LYSMD3: variants seen among roughly 807,000 people sequenced by gnomAD.
LYSMD3 encodes lysM and putative peptidoglycan-binding domain-containing protein 3.
LYSMD3 carries 13 observed loss-of-function variants against 26.1 expected under a neutral mutation model. That is an observed-to-expected ratio of 0.50 (90% CI 0.32 to 0.79). The LOEUF is 0.79. Ranked by LOEUF, LYSMD3 falls within the 30% of genes least tolerant of loss-of-function variation. The pLI, the probability that LYSMD3 is intolerant of heterozygous loss-of-function variation, is 0.03. For missense variants in LYSMD3, 331 were observed against 362.5 expected (o/e 0.91, Z 0.71); for synonymous variants, 109 against 119.4 (o/e 0.91, Z 0.57).
rs1263761847 is a variant in LYSMD3 at position 90,517,488 on chromosome 5, T to C, written c.*1331A>G. On this transcript the variant is annotated 3_prime_UTR_variant, in exon 3 of 3. Coordinates refer to ENST00000315948, the MANE Select transcript of LYSMD3 (RefSeq NM_198273.2). ...ATTCTGGTTACATTTTTAAAACACA[T>C]ACTTTTAAAGATTAAATGATGGAAT... The C allele has an allele frequency of 6.6e-6, 1 of 152,020 alleles. No individual in the cohort carries two copies. Among genetic ancestry groups the C allele is most frequent in the Admixed American group, 6.6e-5 (1 of 15,260 alleles). The allele number at this position is 152,020 out of a possible 1,614,324, so 9.4% of individuals were successfully genotyped here.
At position 90,525,195 on chromosome 5, in the gene LYSMD3, A is replaced by G; in HGVS notation, c.95T>C (p.Ile32Thr). The G allele has an allele frequency of 6.2e-7, 1 of 1,614,046 alleles. No individual in the cohort carries two copies. Among genetic ancestry groups the G allele is most frequent in the Non-Finnish European group, 8.5e-7 (1 of 1,180,020 alleles). Residue 32 changes from isoleucine (I) to threonine (T), a missense_variant, in exon 2 of 3, where the codon ATT becomes ACT. Ile to Thr is a moderately conservative substitution (Grantham distance 89). Around this residue, in one of 3 missense-constraint regions of LYSMD3, gnomAD observed 262 missense variants for 267.3 expected, o/e 0.98. Coordinates refer to ENST00000315948, the MANE Select transcript of LYSMD3 (RefSeq NM_198273.2). ...HAFGNCSDSD[I>T]LEEDAEVYEL... ...ATACACTTCAGCATCCTCCTCCAAAATATCACTGTCTGAACAATTTCCAAA... is the reference window on the plus strand; with the variant it reads ...ATACACTTCAGCATCCTCCTCCAAAGTATCACTGTCTGAACAATTTCCAAA...
intron 1 of LYSMD3, among the ~76,000 whole-genome samples, chr5:90,528,584 G>C (rs972579923): frequency 6.6e-6 from 1 of 152,232 alleles, no homozygotes; most frequent in African/African-American, 2.4e-5. Context: ...GAATGATCAA[G>C]AACTGGCTGT....
rs1752999518 is a variant in LYSMD3, at chr5:90,518,343, A to G, written c.*476T>C. ...CACATGTGCTAAATGTATTTTTTAA[A>G]AGTTTTGAAGGGGTGTGTTACGTAT... On this transcript the variant is annotated 3_prime_UTR_variant, in exon 3 of 3. Transcript: ENST00000315948. The G allele has an allele frequency of 6.5e-6, 1 of 152,888 alleles. No homozygotes were observed. Among genetic ancestry groups the G allele is most frequent in the Non-Finnish European group, 1.5e-5 (1 of 68,586 alleles). The allele number at this position is 152,888 out of a possible 1,614,324, so 9.5% of individuals were successfully genotyped here.
rs1282530871 is a variant in LYSMD3, at chr5:90,519,334, GA to G, written c.405del (p.Gln136AsnfsTer26). 2 of 1,614,070 alleles carry G rather than the reference GA, an allele frequency of 1.2e-6. No homozygotes were observed. The highest frequency in any genetic ancestry group is 1.1e-5 in the South Asian group (1 of 91,070). On this transcript the variant is annotated frameshift_variant, in exon 3 of 3. Transcript: ENST00000315948. LOFTEE classifies it high-confidence loss of function. Reference sequence around the variant, plus strand: ...ATTTCCTGTTGTTCGGAAGAGTATTGAACAGATGAATGACGTGAAGTCTGTC... The same window carrying G: ...ATTTCCTGTTGTTCGGAAGAGTATTGACAGATGAATGACGTGAAGTCTGTC... ...KGRQTSRHSSVQYSSEQQEIL... is the reference protein window; with the variant it reads ...KGRQTSRHSSXQYSSEQQEIL...
intron 1 of LYSMD3, among the ~76,000 whole-genome samples, chr5:90,527,944 A>T (rs901277239): frequency 1.3e-5 from 2 of 152,220 alleles, no homozygotes; most frequent in African/African-American, 2.4e-5. Context: ...TAATAGCTAT[A>T]TGTTAAGTAG....
intron 1 of LYSMD3, among the ~76,000 whole-genome samples, chr5:90,528,484 G>A (rs1216739083): frequency 6.6e-6 from 1 of 152,026 alleles, no homozygotes; most frequent in Non-Finnish European, 1.5e-5. Flanking sequence ...TAATTTAAAG[G>A]TCAGAACTTC....
At chr5:90,522,957 G>C (rs1371638533) in intron 2 of LYSMD3, among the ~76,000 whole-genome samples, 2 of 152,038 alleles carry the variant, frequency 1.3e-5, no homozygotes, top group African/African-American at 2.4e-5. Context: ...AAATTTTCTA[G>C]GTTCATTAAA....
At position 90,517,076 on chromosome 5, in the gene LYSMD3, CTCT is replaced by C. The variant is rs1181945708; in HGVS notation, c.*1740_*1742del. 2.6e-5 allele frequency: 4 copies of C among 152,440 alleles called. No homozygotes were observed. Among genetic ancestry groups the C allele is most frequent in the East Asian group, 3.8e-4 (2 of 5,202 alleles). 9.4% of individuals were successfully genotyped at this position (152,440 alleles called of 1,614,324 possible). A position where few individuals can be genotyped will look rare whatever the true frequency, so the allele number is the denominator to read the frequency against. The stretch of plus-strand genomic sequence containing the variant: ...AACACTAAGCATAAATTATATCACA[CTCT>C]TCTTTTCAAGATGCCCAAGGCACAT... On this transcript the variant is annotated 3_prime_UTR_variant, in exon 3 of 3. Transcript: ENST00000315948.
At chr5:90,525,595 G>A (rs1043557500) in intron 1 of LYSMD3, among the ~76,000 whole-genome samples, 71 of 152,064 alleles carry the variant, frequency 4.7e-4, no homozygotes, top group Middle Eastern at 3.4e-3. Flanking sequence ...GATTACAGGC[G>A]CCCACCACTA....
At chr5:90,527,586 A>C (rs549418732) in intron 1 of LYSMD3, among the ~76,000 whole-genome samples, 1 of 152,328 alleles carries the variant, frequency 6.6e-6, no homozygotes, top group South Asian at 2.1e-4. Flanking sequence ...GGTTCCAGGT[A>C]CAAGAACTTT....
intron 2 of LYSMD3, among the ~76,000 whole-genome samples, chr5:90,521,577 G>A (rs183053374): frequency 1.7e-4 from 26 of 152,138 alleles, no homozygotes; most frequent in Non-Finnish European, 2.6e-4. Context: ...CCTTCGCACT[G>A]TTTTGTCTTA....
intron 2 of LYSMD3, among the ~76,000 whole-genome samples, chr5:90,521,184 G>A (rs1753080903): frequency 6.6e-6 from 1 of 152,038 alleles, no homozygotes; most frequent in South Asian, 2.1e-4. Flanking sequence ...TAACCTCTTT[G>A]CCATTAAGGT....
At position 90,524,919 on chromosome 5, in the gene LYSMD3, A is replaced by G. The variant is rs1753180865; in HGVS notation, c.255+116T>C. ...TGTGACACAGATTTCTATGCAAAAA[A>G]TAAGAGCAAAAAATGGAGAAAGGAA... On this transcript the variant is annotated intron_variant, in intron 2 of 2. Coordinates refer to ENST00000315948, the MANE Select transcript of LYSMD3 (RefSeq NM_198273.2). 5.7e-6 allele frequency: 6 copies of G among 1,051,888 alleles called. No individual in the cohort carries two copies. The South Asian group carries it at 1.0e-4, about 18-fold the overall frequency. 65.2% of individuals were successfully genotyped at this position (1,051,888 alleles called of 1,614,324 possible).
At chr5:90,523,315 T>G (rs1753138349) in intron 2 of LYSMD3, among the ~76,000 whole-genome samples, 1 of 151,924 alleles carries the variant, frequency 6.6e-6, no homozygotes, top group Admixed American at 6.5e-5. Flanking sequence ...AAATTTGAAA[T>G]GTTTTGATGA....
Position 90,519,020 on chromosome 5 carries a change from A to T in LYSMD3, c.720T>A (p.Tyr240Ter), listed in dbSNP as rs755897955. The T allele has an allele frequency of 6.2e-7, 1 of 1,614,016 alleles. No homozygotes were observed. Among genetic ancestry groups the T allele is most frequent in the African/African-American group, 1.3e-5 (1 of 74,930 alleles). ...TAACATCCACCTTAGCTAAAATTTC[A>T]TAATACAACAAATAAAACACTGGTG... ...IITPVFYLLY[Y>*]EILAKVDVSH... Residue 240 changes from tyrosine to a stop codon, truncating the protein, a stop_gained, in exon 3 of 3, where the codon TAT becomes TAA. Transcript: ENST00000315948. LOFTEE classifies it high-confidence loss of function.
rs1307104719 is a variant in LYSMD3 at position 90,528,761 on chromosome 5, G to A, written c.-12+687C>T. Among the ~76,000 whole-genome samples the A allele has an allele frequency of 6.6e-5, 10 of 152,308 alleles. No homozygotes were observed. The East Asian group carries it at 1.9e-3, about 29-fold the overall frequency. ...ACTCCCTTTCAGAAACTTGGAACAA[G>A]CCTGCGTGCTACCTAGATTACGAGG... On this transcript the variant is annotated intron_variant, in intron 1 of 2. Coordinates refer to ENST00000315948, the MANE Select transcript of LYSMD3 (RefSeq NM_198273.2).
In LYSMD3 at chr5:90,519,318, T is replaced by C. The variant is rs372095271; in HGVS notation, c.422A>G (p.Gln141Arg). The C allele has an allele frequency of 6.7e-5, 108 of 1,614,020 alleles. No individual in the cohort carries two copies. The highest frequency in any genetic ancestry group is 8.8e-5 in the Non-Finnish European group (104 of 1,180,022). The change falls in exon 3 of 3, where the codon CAA becomes CGA. Residue 141 changes from glutamine to arginine, a missense_variant. Around this residue, in one of 3 missense-constraint regions of LYSMD3, gnomAD observed 262 missense variants for 267.3 expected, o/e 0.98. Transcript: ENST00000315948. ...ATCATTAGCTGGCAAAATTTCCTGT[T>C]GTTCGGAAGAGTATTGAACAGATGA... ...RHSSVQYSSE[Q>R]QEILPANDSL...
At position 90,517,318 on chromosome 5, in the gene LYSMD3, T is replaced by C. The variant is rs1359939267; in HGVS notation, c.*1501A>G. 6.6e-6 allele frequency: 1 copy of C among 152,036 alleles called. No individual in the cohort carries two copies. The highest frequency in any genetic ancestry group is 1.5e-5 in the Non-Finnish European group (1 of 67,912). The allele number at this position is 152,036 out of a possible 1,614,324, so 9.4% of individuals were successfully genotyped here. A position where few individuals can be genotyped will look rare whatever the true frequency, so the allele number is the denominator to read the frequency against. On this transcript the variant is annotated 3_prime_UTR_variant, in exon 3 of 3. Transcript: ENST00000315948. The stretch of plus-strand genomic sequence containing the variant: ...CTTATTCTGAGTTAAATTTGAAATA[T>C]ATAAAATGACTTATCAAAAGCCTGA...
In LYSMD3 at chr5:90,519,119, G is replaced by T. The variant is rs184472725; in HGVS notation, c.621C>A (p.Asp207Glu). 40 of 1,614,100 alleles carry T rather than the reference G, an allele frequency of 2.5e-5. No homozygotes were observed. In the African/African-American group the frequency reaches 4.8e-4, roughly 19 times the overall value. ...TTCCCCAGTCTGCTCCATAATAGGGGTCTTTACGTTGAGTGTTTTTGTTAT... is the reference window on the plus strand; with the variant it reads ...TTCCCCAGTCTGCTCCATAATAGGGTTCTTTACGTTGAGTGTTTTTGTTAT... ...EPDNKNTQRK[D>E]PYYGADWGIG... is the part of the protein sequence containing the mutation. Residue 207 changes from aspartate to glutamate, a missense_variant, in exon 3 of 3, where the codon GAC becomes GAA. This residue lies in a region of LYSMD3 where 262 missense variants were observed against 267.3 expected (regional missense o/e 0.98). Coordinates refer to ENST00000315948, the MANE Select transcript of LYSMD3 (RefSeq NM_198273.2).
Sources: allele counts gnomAD v4.1 joint callset (sites outside exome capture counted in the v4.1 genomes callset), GRCh38; gene constraint gnomAD v4.1.1; regional missense constraint gnomAD v4.1.1; transcripts MANE v1.5; gene names NCBI Gene and HGNC (gene_info 2026-07-23, HGNC 2026-07-21).